The following DLGAP2 variants were observed in gnomAD, a reference collection of about 807,000 sequenced individuals.
The protein encoded by DLGAP2 is DLG associated protein 2.
DLGAP2 carries 26 observed loss-of-function variants against 100.3 expected under a neutral mutation model. The ratio of observed to expected loss-of-function variants is 0.26; its 90% CI spans 0.19 to 0.36. The LOEUF is 0.36. Ranked by LOEUF, DLGAP2 falls within the 10% of genes least tolerant of loss-of-function variation. The pLI is 1.00. For missense variants in DLGAP2, 1,858 were observed against 1,453.2 expected (o/e 1.28, Z -4.53); for synonymous variants, 886 against 630.1 (o/e 1.41, Z -6.08).
chr8:1,509,435 T>C (rs1800078341), intron 4 of DLGAP2, among the ~76,000 whole-genome samples: 1 of 151,906 alleles, frequency 6.6e-6, no homozygotes, highest in African/African-American at 2.4e-5. Context: ...TGTGGGTGTG[T>C]GTGTTAGGTT....
At chr8:1,310,804 C>G (rs1446601790) in intron 3 of DLGAP2, among the ~76,000 whole-genome samples, 4 of 151,970 alleles carry the variant, frequency 2.6e-5, no homozygotes, top group Admixed American at 6.6e-5. Context: ...ATTACAGGCA[C>G]CCACCACCAC....
chr8:1,003,669 G>C (rs1308937764), intron 2 of DLGAP2, among the ~76,000 whole-genome samples: 2 of 152,228 alleles, frequency 1.3e-5, no homozygotes, highest in Non-Finnish European at 2.9e-5. Context: ...TGACTGGGCA[G>C]TCAGGCACTC....
chr8:1,707,776 T>C lies in DLGAP2; in HGVS notation c.*6370T>C, dbSNP rs1443043294. The C allele has an allele frequency of 1.3e-5, 2 of 152,324 alleles. No individual in the cohort carries two copies. The highest frequency in any genetic ancestry group is 1.3e-4 in the Admixed American group (2 of 15,252). 9.4% of individuals were successfully genotyped at this position (152,324 alleles called of 1,614,324 possible). A position where few individuals can be genotyped will look rare whatever the true frequency, so the allele number is the denominator to read the frequency against. On this transcript the variant is annotated 3_prime_UTR_variant, in exon 15 of 15. Coordinates refer to ENST00000637795, the MANE Select transcript of DLGAP2 (RefSeq NM_001346810.2). ...AGCTGTTTAAAGTTTTAAAGAAGTA[T>C]ATAAATATATATATAAATATAAATA...
At chr8:1,551,067 G>A (rs1249202180) in intron 5 of DLGAP2, among the ~76,000 whole-genome samples, 2 of 152,250 alleles carry the variant, frequency 1.3e-5, no homozygotes, top group Non-Finnish European at 2.9e-5. Flanking sequence ...TCACCATCAG[G>A]TCCAGCGTCC....
At chr8:1,408,211 C>A (rs887958908) in intron 3 of DLGAP2, among the ~76,000 whole-genome samples, 3 of 152,234 alleles carry the variant, frequency 2.0e-5, no homozygotes, top group African/African-American at 7.2e-5. Flanking sequence ...AATCCTTGTG[C>A]TCTTTCCACC....
At chr8:1,110,762 A>T (rs73524657) in intron 2 of DLGAP2, among the ~76,000 whole-genome samples, 2,114 of 140,092 alleles carry the variant, frequency 0.015, 49 homozygotes, top group African/African-American at 0.055. Context: ...GCAGCCCTGC[A>T]GTGGCACTGT....
At chr8:1,553,153 C>T (rs1382185143) in intron 5 of DLGAP2, among the ~76,000 whole-genome samples, 1 of 152,286 alleles carries the variant, frequency 6.6e-6, no homozygotes, top group South Asian at 2.1e-4. Flanking sequence ...CCAGAGAAGA[C>T]CCGGCAGCCC....
At chr8:1,360,242 TTCTCCGGGGC>T (rs1801950436) in intron 3 of DLGAP2, among the ~76,000 whole-genome samples, 2 of 135,400 alleles carry the variant, frequency 1.5e-5, no homozygotes, top group East Asian at 2.6e-4. Context: ...GGGGCGGGGC[TTCTCCGGGGC>T]GGGGCTTCTC....
intron 3 of DLGAP2, among the ~76,000 whole-genome samples, chr8:1,493,946 C>T (rs1364827391): frequency 2.2e-4 from 34 of 152,244 alleles, no homozygotes; most frequent in Non-Finnish European, 2.9e-5. Flanking sequence ...AGTGTGGACT[C>T]ACAAGACTGG....
chr8:1,201,421 G>T (rs538294620), intron 2 of DLGAP2, among the ~76,000 whole-genome samples: 5 of 152,302 alleles, frequency 3.3e-5, no homozygotes, highest in Non-Finnish European at 5.9e-5. Context: ...GGGCTTCAAG[G>T]ATTGGATGAA....
chr8:1,376,971 T>G (rs1795959879), intron 3 of DLGAP2, among the ~76,000 whole-genome samples: 1 of 152,226 alleles, frequency 6.6e-6, no homozygotes, highest in Non-Finnish European at 1.5e-5. Context: ...AATCACACCA[T>G]GCAATTAACA....
At chr8:1,214,701 G>A (rs771156335) in intron 2 of DLGAP2, among the ~76,000 whole-genome samples, 47 of 152,204 alleles carry the variant, frequency 3.1e-4, no homozygotes, top group Non-Finnish European at 5.4e-4. Flanking sequence ...TCTGTGCACT[G>A]CACCTAGTTC....
intron 3 of DLGAP2, among the ~76,000 whole-genome samples, chr8:1,338,556 G>A (rs568543584): frequency 5.9e-5 from 9 of 152,164 alleles, no homozygotes; most frequent in East Asian, 1.9e-4. Context: ...ATTACATAGC[G>A]GTGATTCTTG....
At chr8:995,906 A>G (rs562963903) in intron 2 of DLGAP2, among the ~76,000 whole-genome samples, 2 of 152,262 alleles carry the variant, frequency 1.3e-5, no homozygotes, top group East Asian at 1.9e-4. Flanking sequence ...GCAGGAGACT[A>G]AAGAAAAGAT....
At chr8:918,009 G>C (rs1367876138) in intron 2 of DLGAP2, among the ~76,000 whole-genome samples, 1 of 152,192 alleles carries the variant, frequency 6.6e-6, no homozygotes, top group African/African-American at 2.4e-5. Flanking sequence ...AAATTATTTG[G>C]TAGGTTGCAT....
intron 2 of DLGAP2, among the ~76,000 whole-genome samples, chr8:1,177,728 C>T (rs1328912836): frequency 6.6e-6 from 1 of 152,164 alleles, no homozygotes; most frequent in African/African-American, 2.4e-5. Context: ...GAGATGCCAG[C>T]AGGTTCGATG....
intron 2 of DLGAP2, among the ~76,000 whole-genome samples, chr8:1,067,736 C>G (rs922691128): frequency 3.3e-5 from 5 of 151,938 alleles, no homozygotes; most frequent in Non-Finnish European, 7.4e-5. Flanking sequence ...CCCACCCACG[C>G]CCTCCCTCGT....
intron 6 of DLGAP2, among the ~76,000 whole-genome samples, chr8:1,573,000 T>G (rs1480885298): frequency 3.8e-5 from 3 of 79,004 alleles, no homozygotes; most frequent in African/African-American, 5.4e-5. Flanking sequence ...AGGGGCGTCT[T>G]CTGGGATGGA....
chr8:1,155,603 A>AC (rs776813669), intron 2 of DLGAP2, among the ~76,000 whole-genome samples: 3 of 151,948 alleles, frequency 2.0e-5, no homozygotes, highest in Non-Finnish European at 4.4e-5. Context: ...CCCAGCTCTC[A>AC]CCACATCTGG....
Sources: allele counts gnomAD v4.1 joint callset (sites outside exome capture counted in the v4.1 genomes callset), GRCh38; gene constraint gnomAD v4.1.1; transcripts MANE v1.5; gene names NCBI Gene and HGNC (gene_info 2026-07-23, HGNC 2026-07-21).